The following ATP9A variants were observed in gnomAD, a reference collection of about 807,000 sequenced individuals.
ATP9A encodes probable phospholipid-transporting ATPase IIA.
In ATP9A, 52 loss-of-function variants were observed where a neutral mutation model predicts 144.1. That is an observed-to-expected ratio of 0.36 (90% confidence interval 0.29 to 0.45). The LOEUF is 0.45. ATP9A is among the 20% of genes least tolerant of loss of function. ATP9A has a pLI of 1.00. For synonymous variants in ATP9A, 582 were observed against 557.4 expected (o/e 1.04, Z -0.62); for missense variants, 947 against 1,392.7 (o/e 0.68, Z 5.09).
intron 9 of ATP9A, among the ~76,000 whole-genome samples, chr20:51,685,256 G>T (rs1228776012): frequency 6.6e-6 from 1 of 152,010 alleles, no homozygotes; most frequent in Non-Finnish European, 1.5e-5. Context: ...AATGTATATG[G>T]CCTTCCAACA....
intron 14 of ATP9A, among the ~76,000 whole-genome samples, chr20:51,649,734 G>A (rs2122760271): frequency 6.6e-6 from 1 of 152,204 alleles, no homozygotes; most frequent in South Asian, 2.1e-4. Context: ...GGCCAACATG[G>A]TGAAACCCTG....
At chr20:51,737,402 T>C (rs1332080422) in intron 1 of ATP9A, among the ~76,000 whole-genome samples, 1 of 152,172 alleles carries the variant, frequency 6.6e-6, no homozygotes. Flanking sequence ...AATGGACAGA[T>C]TTCCTTTATG....
intron 9 of ATP9A, among the ~76,000 whole-genome samples, chr20:51,677,002 T>C (rs1165199482): frequency 4.9e-5 from 7 of 141,976 alleles, no homozygotes; most frequent in Non-Finnish European, 6.0e-5. Flanking sequence ...ATCATATTAA[T>C]AGCTCACTGC....
chr20:51,672,272 G>T (rs4811213), intron 11 of ATP9A, among the ~76,000 whole-genome samples: 39,341 of 151,976 alleles, frequency 0.26, 5,654 homozygotes, highest in East Asian at 0.48. Flanking sequence ...GTATTCCATT[G>T]TATGTATTAT....
chr20:51,672,927 T>C (rs1256585374), intron 11 of ATP9A, among the ~76,000 whole-genome samples: 2 of 152,172 alleles, frequency 1.3e-5, no homozygotes, highest in African/African-American at 2.4e-5. Context: ...CTCCCCTTTT[T>C]CTAAAATCAA....
chr20:51,687,236 C>T (rs1481780958), intron 9 of ATP9A, among the ~76,000 whole-genome samples: 2 of 152,136 alleles, frequency 1.3e-5, no homozygotes, highest in African/African-American at 4.8e-5. Context: ...CAGAATTTCT[C>T]GCTCTTTAGT....
At chr20:51,609,700 T>C (rs1050239347) in intron 24 of ATP9A, among the ~76,000 whole-genome samples, 4 of 152,294 alleles carry the variant, frequency 2.6e-5, no homozygotes, top group South Asian at 2.1e-4. Context: ...AGGATGGGAC[T>C]TCTACTGGGC....
chr20:51,623,766 C>G (rs1288603832), intron 18 of ATP9A, among the ~76,000 whole-genome samples: 6 of 129,022 alleles, frequency 4.7e-5, no homozygotes, highest in African/African-American at 1.8e-4. Context: ...CCAGCCTGGG[C>G]GACAGAGTGA....
intron 11 of ATP9A, among the ~76,000 whole-genome samples, 185 bp downstream of exon 11, chr20:51,673,968 T>C (rs1448400586): frequency 7.9e-5 from 12 of 151,686 alleles, no homozygotes; most frequent in Admixed American, 6.6e-4. Context: ...GAGAATCACT[T>C]GAACCTGGGA....
intron 3 of ATP9A, among the ~76,000 whole-genome samples, chr20:51,724,230 G>A (rs750157883): frequency 1.2e-4 from 18 of 152,062 alleles, no homozygotes; most frequent in African/African-American, 3.1e-4. Flanking sequence ...GAATCCAAGC[G>A]TTCCCCCCCT....
At chr20:51,748,839 C>T (rs2077818933) in intron 1 of ATP9A, among the ~76,000 whole-genome samples, 1 of 152,060 alleles carries the variant, frequency 6.6e-6, no homozygotes, top group Non-Finnish European at 1.5e-5. Context: ...AATCCCAGCA[C>T]TTTGGAGGCC....
At chr20:51,692,580 T>C (rs1436043086) in intron 7 of ATP9A, among the ~76,000 whole-genome samples, 1 of 152,076 alleles carries the variant, frequency 6.6e-6, no homozygotes, top group Non-Finnish European at 1.5e-5. Context: ...GGTGGGTGGA[T>C]CAATTGAGGC....
At chr20:51,752,500 C>T (rs954637984) in intron 1 of ATP9A, among the ~76,000 whole-genome samples, 7 of 152,166 alleles carry the variant, frequency 4.6e-5, no homozygotes, top group African/African-American at 1.2e-4. Flanking sequence ...AGTGAATAAA[C>T]GGATGAATCA....
In ATP9A at chr20:51,600,160, T is replaced by C. The variant is rs778276890; in HGVS notation, c.*1051A>G. ...TCCTTGTTCTGAAAGCTGCCACCAG[T>C]GTTGTTCCGAAAGATGCCTCTGCCT... On this transcript the variant is annotated 3_prime_UTR_variant, in exon 28 of 28. Transcript: ENST00000338821. 6.6e-5 allele frequency: 10 copies of C among 152,204 alleles called. No individual in the cohort carries two copies. Among genetic ancestry groups the C allele is most frequent in the African/African-American group, 2.4e-4 (10 of 41,440 alleles). The allele number at this position is 152,204 out of a possible 1,614,324, so 9.4% of individuals were successfully genotyped here. A position where few individuals can be genotyped will look rare whatever the true frequency, so the allele number is the denominator to read the frequency against.
At chr20:51,637,360 C>T (rs2077296772) in intron 15 of ATP9A, among the ~76,000 whole-genome samples, 1 of 144,140 alleles carries the variant, frequency 6.9e-6, no homozygotes, top group Admixed American at 7.0e-5. Context: ...GAATCCTGCT[C>T]ACTTCGGCAC....
chr20:51,613,898 A>C, intron 22 of ATP9A, 66 bp from the exon 23 acceptor site: 1 of 1,464,430 alleles, frequency 6.8e-7, no homozygotes, highest in Non-Finnish European at 9.1e-7. Flanking sequence ...ATTTTCTTTC[A>C]CTGAAAAAGC....
chr20:51,634,955 C>G (rs2077284726), intron 15 of ATP9A, among the ~76,000 whole-genome samples: 1 of 152,088 alleles, frequency 6.6e-6, no homozygotes, highest in Non-Finnish European at 1.5e-5. Context: ...CCTCCATCTC[C>G]TCCTGGGCAG....
chr20:51,658,938 G>A (rs542114368), intron 13 of ATP9A, among the ~76,000 whole-genome samples: 3 of 126,270 alleles, frequency 2.4e-5, no homozygotes, highest in African/African-American at 6.3e-5. Flanking sequence ...AAATGCCCTC[G>A]CATCTGATCA....
At chr20:51,639,653 C>T in intron 14 of ATP9A, 149 bp from the exon 15 acceptor site, 1 of 795,220 alleles carries the variant, frequency 1.3e-6, no homozygotes, top group Non-Finnish European at 1.9e-6. Flanking sequence ...TCTGTGCTGG[C>T]CCATGACAGT....
Sources: allele counts gnomAD v4.1 joint callset (sites outside exome capture counted in the v4.1 genomes callset), GRCh38; gene constraint gnomAD v4.1.1; transcripts MANE v1.5; gene names NCBI Gene and HGNC (gene_info 2026-07-23, HGNC 2026-07-21).